Variants in GDF1 observed in about 807,000 individuals in gnomAD.
GDF1 encodes embryonic growth/differentiation factor 1.
GDF1 carries 8 observed loss-of-function variants against 7.4 expected under a neutral mutation model. The ratio of observed to expected loss-of-function variants is 1.09; its 90% CI spans 0.64 to 1.96. The LOEUF is 1.96. GDF1 is among the 30% of genes most tolerant of loss of function. The probability of loss-of-function intolerance (pLI) is 0.00; values close to 1 mark genes in which losing one functional copy is unlikely to be tolerated. For missense variants in GDF1, 574 were observed against 551.5 expected (o/e 1.04, Z -0.41); for synonymous variants, 311 against 276.7 (o/e 1.12, Z -1.23).
chr19:18,877,033 G>A (rs772078664), intron 6 of GDF1, among the ~76,000 whole-genome samples: 32 of 152,132 alleles, frequency 2.1e-4, no homozygotes, highest in Non-Finnish European at 4.0e-4. Context: ...TTTGGAAGAC[G>A]TCTCTCAGCC....
At chr19:18,879,886 C>CCTACCT (rs2056158884) in intron 4 of GDF1, among the ~76,000 whole-genome samples, 1 of 151,416 alleles carries the variant, frequency 6.6e-6, no homozygotes. Context: ...ACACCAAAGC[C>CCTACCT]CTACCTCTTT....
At chr19:18,886,335 G>C (rs1377085812) in intron 2 of GDF1, among the ~76,000 whole-genome samples, 2 of 152,110 alleles carry the variant, frequency 1.3e-5, no homozygotes, top group African/African-American at 4.8e-5. Context: ...GGATCACAAG[G>C]TCAGGAGATC....
At position 18,869,102 on chromosome 19, in the gene GDF1, C is replaced by T; in HGVS notation, c.614G>A (p.Arg205His). 9.3e-7 allele frequency: 1 copy of T among 1,079,748 alleles called. No homozygotes were observed. Among genetic ancestry groups the T allele is most frequent in the Non-Finnish European group, 1.1e-6 (1 of 889,944 alleles). 66.9% of individuals were successfully genotyped at this position (1,079,748 alleles called of 1,614,324 possible). The stretch of plus-strand genomic sequence containing the variant: ...GAGGCTGCGCGGCCATGAGGCGTTG[C>T]GAGCCCAAGCGGCGCCCAGCAGCTC... ...RAELLGAAWA[R>H]NASWPRSLRL... Residue 205 changes from arginine to histidine, a missense_variant, in exon 8 of 8, where the codon CGC becomes CAC. Transcript: ENST00000247005.
Position 18,868,914 on chromosome 19 carries a change from G to A in GDF1, c.802C>T (p.Arg268Cys), listed in dbSNP as rs1175580019. 3 of 1,370,118 alleles carry A rather than the reference G, an allele frequency of 2.2e-6. No individual in the cohort carries two copies. Among genetic ancestry groups the A allele is most frequent in the African/African-American group, 3.1e-5 (2 of 64,036 alleles). 84.9% of individuals were successfully genotyped at this position (1,370,118 alleles called of 1,614,324 possible). A position where few individuals can be genotyped will look rare whatever the true frequency, so the allele number is the denominator to read the frequency against. ...AAGCTCACGTACAGCCGCCGCGCGC[G>A]ACAAGCGCCCCCGGGGCCGCCGCCC... ...VLGGGPGGAC[R>C]ARRLYVSFRE... Residue 268 changes from arginine to cysteine, a missense_variant, in exon 8 of 8, where the codon CGC (arginine) becomes TGC (cysteine). Coordinates refer to ENST00000247005, the MANE Select transcript of GDF1 (RefSeq NM_001492.6).
At chr19:18,887,597 T>G (rs1360699459) in intron 2 of GDF1, among the ~76,000 whole-genome samples, 1 of 151,666 alleles carries the variant, frequency 6.6e-6, no homozygotes, top group Non-Finnish European at 1.5e-5. Flanking sequence ...ATACAAAAAT[T>G]AGCTGGGCAT....
chr19:18,871,223 ATT>A (rs572877061), intron 6 of GDF1, among the ~76,000 whole-genome samples: 90,727 of 119,558 alleles, frequency 0.76, 34,376 homozygotes, highest in Admixed American at 0.82. Context: ...ACTCCCAGCA[ATT>A]TTTTTTTTTT....
In GDF1 at chr19:18,880,545, C is replaced by T. The variant is rs2056179446; in HGVS notation, c.-732-110G>A. The T allele has an allele frequency of 2.2e-5, 25 of 1,127,338 alleles. No homozygotes were observed. The South Asian group carries it at 4.1e-4, about 19-fold the overall frequency. 69.8% of individuals were successfully genotyped at this position (1,127,338 alleles called of 1,614,324 possible). A position where few individuals can be genotyped will look rare whatever the true frequency, so the allele number is the denominator to read the frequency against. The stretch of plus-strand genomic sequence containing the variant: ...GGCTACACCTCAGGCTCCCCGTGGG[C>T]CTCTTCAAAGCCACCCTTCCTGCCT... On this transcript the variant is annotated intron_variant, in intron 3 of 7. Coordinates refer to ENST00000247005, the MANE Select transcript of GDF1 (RefSeq NM_001492.6).
intron 3 of GDF1, among the ~76,000 whole-genome samples, chr19:18,882,257 G>A (rs894194203): frequency 2.0e-5 from 3 of 152,190 alleles, no homozygotes; most frequent in East Asian, 1.9e-4. Flanking sequence ...TCCAACATGG[G>A]AGCCACCAGC....
chr19:18,874,765 G>A (rs912001738), intron 6 of GDF1, among the ~76,000 whole-genome samples: 13 of 152,342 alleles, frequency 8.5e-5, no homozygotes, highest in South Asian at 2.1e-4. Flanking sequence ...GGGAATTCAG[G>A]GGAAGGGGTA....
Position 18,882,868 on chromosome 19 carries a change from T to A in GDF1, c.-733+1219A>T, listed in dbSNP as rs186779707. On this transcript the variant is annotated intron_variant, in intron 3 of 7. Transcript: ENST00000247005. ...CCACCACGCCCAGCTAATTTTTGTA[T>A]TTTTAGTAGAGACACGGTTTCACTG... is the stretch of plus-strand genomic sequence containing the variant. Among the ~76,000 whole-genome samples the A allele has an allele frequency of 3.1e-3, 464 of 151,780 alleles. 4 individuals are homozygous for A. Among genetic ancestry groups the A allele is most frequent in the African/African-American group, 0.011 (448 of 41,432 alleles).
chr19:18,879,190 T>C, intron 5 of GDF1, 51 bp downstream of exon 5: 12 of 1,609,388 alleles, frequency 7.5e-6, no homozygotes, highest in Non-Finnish European at 1.0e-5. Context: ...GGGACAGGGA[T>C]TGGGACGAGG....
intron 2 of GDF1, among the ~76,000 whole-genome samples, chr19:18,885,686 A>ATTT (rs920494581): frequency 1.4e-5 from 2 of 141,402 alleles, no homozygotes; most frequent in African/African-American, 5.2e-5. Flanking sequence ...TGCCTGGCTA[A>ATTT]TTTTTTTTTT....
Position 18,869,186 on chromosome 19 carries a change from T to G in GDF1, c.530A>C (p.Asp177Ala). Residue 177 changes from aspartate (D) to alanine (A), a missense_variant, in exon 8 of 8, where the codon GAC becomes GCC. Transcript: ENST00000247005. ...CTGGCGGAGCAGCACCGGCCCGGGG[T>G]CCGCGCCCGCGCCCTGGCCCGCTTG... ...VAQAGQGAGA[D>A]PGPVLLRQLV... 8.5e-7 allele frequency: 1 copy of G among 1,173,868 alleles called. No homozygotes were observed. The highest frequency in any genetic ancestry group is 1.1e-6 in the Non-Finnish European group (1 of 952,338). 72.7% of individuals were successfully genotyped at this position (1,173,868 alleles called of 1,614,324 possible).
chr19:18,874,533 A>C (rs985714524), intron 6 of GDF1, among the ~76,000 whole-genome samples: 1 of 152,180 alleles, frequency 6.6e-6, no homozygotes, highest in Non-Finnish European at 1.5e-5. Flanking sequence ...GGATTTACGG[A>C]GCATTGAGTG....
intron 2 of GDF1, among the ~76,000 whole-genome samples, chr19:18,887,414 C>T (rs1400005325): frequency 6.6e-6 from 1 of 152,084 alleles, no homozygotes; most frequent in African/African-American, 2.4e-5. Context: ...GATAATGTTC[C>T]AGACCTAGAC....
intron 2 of GDF1, among the ~76,000 whole-genome samples, chr19:18,884,709 C>CTTTTTTTTTT (rs36074874): frequency 2.9e-5 from 2 of 69,128 alleles, no homozygotes; most frequent in African/African-American, 6.1e-5. Flanking sequence ...GCCCAGCCGT[C>CTTTTTTTTTT]TTTTTTTTTT....
Position 18,896,136 on chromosome 19 carries a change from G to T in GDF1, c.-1386C>A. On this transcript the variant is annotated 5_prime_UTR_variant, in exon 1 of 8. Coordinates refer to ENST00000247005, the MANE Select transcript of GDF1 (RefSeq NM_001492.6). The surrounding 1 kb of genome is among the most constrained non-coding windows in gnomAD (Gnocchi z 5.9). ...CCCGCGGTAGCCGACGGAGCCGCGC[G>T]CCCCGCGTCACGCGCCGCAGCTGGG... 1 of 642,332 alleles carries T rather than the reference G, an allele frequency of 1.6e-6. No homozygotes were observed. Among genetic ancestry groups the T allele is most frequent in the Non-Finnish European group, 1.9e-6 (1 of 519,922 alleles). The allele number at this position is 642,332 out of a possible 1,614,324, so 39.8% of individuals were successfully genotyped here.
intron 3 of GDF1, among the ~76,000 whole-genome samples, chr19:18,882,425 G>A (rs925557737): frequency 6.6e-6 from 1 of 151,480 alleles, no homozygotes; most frequent in African/African-American, 2.4e-5. Flanking sequence ...TTGAGGTCAG[G>A]AGTTCGAGTC....
Position 18,878,966 on chromosome 19 carries a change from G to A in GDF1, c.-349C>T, listed in dbSNP as rs1696944643. On this transcript the variant is annotated 5_prime_UTR_variant, in exon 6 of 8. An upstream open reading frame in the 5' UTR gains an earlier in-frame stop. Transcript: ENST00000247005. This position sits in a 1 kb window ranked among gnomAD's most constrained non-coding sequence, Gnocchi z 4.6. The stretch of plus-strand genomic sequence containing the variant: ...GGGCTTCAGGCTCTGGGCCTCGGCT[G>A]TGTCATACTCCCGCAGGTCCTTCAG... The A allele has an allele frequency of 2.5e-6, 4 of 1,613,714 alleles. No homozygotes were observed. The highest frequency in any genetic ancestry group is 1.7e-5 in the Admixed American group (1 of 59,996).
Sources: gnomAD v4.1 joint callset for allele counts (sites outside exome capture counted in the v4.1 genomes callset) on GRCh38, gnomAD v4.1.1 for gene constraint, Gnocchi (gnomAD v3.1) non-coding constraint, MANE v1.5 for transcripts, NCBI Gene and HGNC (gene_info 2026-07-23, HGNC 2026-07-21) for gene names.